XIRP2: variants seen among roughly 807,000 people sequenced by gnomAD.
XIRP2 encodes xin actin binding repeat containing 2.
A neutral mutation model predicts 277.0 loss-of-function variants in XIRP2; 236 were observed. The observed-to-expected ratio is 0.85, with a 90% CI of 0.77 to 0.95. XIRP2 has a LOEUF of 0.95. Ranked by LOEUF, XIRP2 falls within the 40% of genes least tolerant of loss-of-function variation. The probability of loss-of-function intolerance (pLI) is 0.00; values close to 1 mark genes in which losing one functional copy is unlikely to be tolerated. For missense variants in XIRP2, 4,640 were observed against 4,157.5 expected, an observed-to-expected ratio of 1.12 and a Z score of -3.19; for synonymous variants, 1,490 against 1,416.5, an observed-to-expected ratio of 1.05 and a Z score of -1.17.
chr2:167,211,226 T>C (rs1342637404), intron 4 of XIRP2, among the ~76,000 whole-genome samples: 1 of 151,734 alleles, frequency 6.6e-6, no homozygotes, highest in Non-Finnish European at 1.5e-5. Flanking sequence ...GCCTCCCGAG[T>C]AGCTGGGATT....
intron 2 of XIRP2, among the ~76,000 whole-genome samples, chr2:166,984,439 T>C (rs1335751200): frequency 6.6e-6 from 1 of 152,162 alleles, no homozygotes; most frequent in East Asian, 1.9e-4. Flanking sequence ...TAAAGTTTTC[T>C]GAAGATATGT....
At chr2:167,086,975 G>A (rs891421124) in intron 2 of XIRP2, among the ~76,000 whole-genome samples, 11 of 152,016 alleles carry the variant, frequency 7.2e-5, no homozygotes, top group African/African-American at 2.7e-4. Context: ...GCTTTGTTCC[G>A]TTGCTGGTGA....
At chr2:167,073,774 A>G (rs1689494845) in intron 2 of XIRP2, among the ~76,000 whole-genome samples, 1 of 152,182 alleles carries the variant, frequency 6.6e-6, no homozygotes, top group African/African-American at 2.4e-5. Context: ...TAGAGGGGCC[A>G]GTTTTCTCTT....
At chr2:167,224,976 T>G (rs1341632732) in intron 5 of XIRP2, among the ~76,000 whole-genome samples, 1 of 152,210 alleles carries the variant, frequency 6.6e-6, no homozygotes, top group Admixed American at 6.5e-5. Flanking sequence ...AATCAGTAAC[T>G]CTAGTGTGTG....
chr2:167,044,243 T>C (rs1354437637), intron 2 of XIRP2, among the ~76,000 whole-genome samples: 1 of 152,054 alleles, frequency 6.6e-6, no homozygotes, highest in African/African-American at 2.4e-5. Flanking sequence ...TTAAGAACTC[T>C]CCACAAACTA....
intron 2 of XIRP2, among the ~76,000 whole-genome samples, chr2:167,115,269 A>G (rs1236324391): frequency 6.6e-6 from 1 of 152,054 alleles, no homozygotes; most frequent in Non-Finnish European, 1.5e-5. Flanking sequence ...TTTTGCTGTG[A>G]TTCTTAGCTA....
intron 3 of XIRP2, among the ~76,000 whole-genome samples, chr2:167,189,106 T>G (rs1169645089): frequency 1.3e-5 from 2 of 152,194 alleles, no homozygotes; most frequent in Admixed American, 6.5e-5. Context: ...TCCCTTTACC[T>G]TTACCATGTT....
chr2:167,163,223 A>C (rs1355569093), intron 3 of XIRP2, among the ~76,000 whole-genome samples: 1 of 152,152 alleles, frequency 6.6e-6, no homozygotes, highest in Non-Finnish European at 1.5e-5. Context: ...TCATTAATTA[A>C]ATTTTTAAGA....
chr2:167,171,859 A>G (rs1692701788), intron 3 of XIRP2, among the ~76,000 whole-genome samples: 1 of 152,184 alleles, frequency 6.6e-6, no homozygotes, highest in Admixed American at 6.5e-5. Flanking sequence ...TCTGACATCA[A>G]TATAGCCACA....
chr2:167,245,431 G>A lies in XIRP2; in HGVS notation c.4039G>A (p.Val1347Met). Residue 1347 changes from valine to methionine, a missense_variant, in exon 9 of 11, where the codon GTG becomes ATG. Physicochemically the swap from Val to Met is conservative, Grantham distance 21 (BLOSUM62 1). Transcript: ENST00000409195. The stretch of plus-strand genomic sequence containing the variant: ...AAAAGAAGAGGTAATTCATGGAGAT[G>A]TGCGAGGAACAAGGTGGCTTTTTGA... ...VKKEEVIHGD[V>M]RGTRWLFETK... 4 of 1,613,718 alleles carry A rather than the reference G, an allele frequency of 2.5e-6. No individual in the cohort carries two copies. Among genetic ancestry groups the A allele is most frequent in the Non-Finnish European group, 3.4e-6 (4 of 1,179,742 alleles).
intron 2 of XIRP2, among the ~76,000 whole-genome samples, chr2:167,032,546 T>G (rs937411502): frequency 1.3e-5 from 2 of 152,130 alleles, no homozygotes; most frequent in East Asian, 3.9e-4. Context: ...TTGCAATGTA[T>G]CCATCTGACA....
chr2:166,913,732 A>G (rs1474774602), intron 2 of XIRP2, among the ~76,000 whole-genome samples: 1 of 152,262 alleles, frequency 6.6e-6, no homozygotes, highest in East Asian at 1.9e-4. Context: ...AGGGAAATAG[A>G]TACTAGGAGA....
chr2:167,019,963 T>C (rs1384645237), intron 2 of XIRP2, among the ~76,000 whole-genome samples: 1 of 152,058 alleles, frequency 6.6e-6, no homozygotes, highest in African/African-American at 2.4e-5. Flanking sequence ...TATTTTCTGA[T>C]TTCCAGCAAG....
intron 2 of XIRP2, among the ~76,000 whole-genome samples, chr2:167,108,790 A>C (rs1690673134): frequency 6.6e-6 from 1 of 151,816 alleles, no homozygotes; most frequent in African/African-American, 2.4e-5. Flanking sequence ...AAAAATCCAA[A>C]ATCTATAGTG....
intron 3 of XIRP2, among the ~76,000 whole-genome samples, chr2:167,206,025 T>C (rs1559020331): frequency 6.6e-6 from 1 of 152,190 alleles, no homozygotes; most frequent in Non-Finnish European, 1.5e-5. Flanking sequence ...TAACCAGTAA[T>C]TGGTTCTCTA....
intron 5 of XIRP2, among the ~76,000 whole-genome samples, chr2:167,224,423 T>A (rs1462418618): frequency 1.3e-5 from 2 of 151,926 alleles, no homozygotes; most frequent in African/African-American, 4.8e-5. Context: ...TTTTTGTTTT[T>A]TTTTTAAGAG....
At chr2:166,916,294 A>G (rs987016120) in intron 2 of XIRP2, among the ~76,000 whole-genome samples, 6 of 152,168 alleles carry the variant, frequency 3.9e-5, no homozygotes, top group Non-Finnish European at 8.8e-5. Context: ...CTAGGGGATT[A>G]ATTTATCTCT....
At position 167,250,340 on chromosome 2, in the gene XIRP2, T is replaced by C; in HGVS notation, c.8948T>C (p.Ile2983Thr). ...LKTFQTLLNT[I>T]PGWLISEDKR... ...ACATTTCAGACACTATTAAATACTA[T>C]CCCAGGATGGCTGATAAGTGAAGAT... The change falls in exon 9 of 11, where the codon ATC (isoleucine) becomes ACC (threonine). Residue 2983 changes from isoleucine (I) to threonine (T), a missense_variant. Coordinates refer to ENST00000409195, the MANE Select transcript of XIRP2 (RefSeq NM_152381.6). The C allele has an allele frequency of 6.2e-7, 1 of 1,613,486 alleles. No homozygotes were observed. The highest frequency in any genetic ancestry group is 8.5e-7 in the Non-Finnish European group (1 of 1,179,688).
chr2:166,912,688 G>A (rs757693094), intron 2 of XIRP2, among the ~76,000 whole-genome samples: 1 of 152,174 alleles, frequency 6.6e-6, no homozygotes, highest in South Asian at 2.1e-4. Context: ...GGTGCTCTGA[G>A]TTTTAGAATT....
Sources: gnomAD v4.1 joint callset for allele counts (sites outside exome capture counted in the v4.1 genomes callset) on GRCh38, gnomAD v4.1.1 for gene constraint, MANE v1.5 for transcripts, NCBI Gene and HGNC (gene_info 2026-07-23, HGNC 2026-07-21) for gene names.